The following TANC2 variants were observed in gnomAD, a reference collection of about 807,000 sequenced individuals.
TANC2 encodes the protein protein TANC2.
TANC2 carries 26 observed loss-of-function variants against 210.5 expected under a neutral mutation model. The observed-to-expected ratio is 0.12, with a 90% CI of 0.09 to 0.17. The LOEUF is 0.17. TANC2 is among the 10% of genes least tolerant of loss of function. The probability of loss-of-function intolerance (pLI) is 1.00; values close to 1 mark genes in which losing one functional copy is unlikely to be tolerated. For missense variants in TANC2, 2,129 were observed against 2,608.9 expected, an observed-to-expected ratio of 0.82 and a Z score of 4.01; for synonymous variants, 931 against 967.1, an observed-to-expected ratio of 0.96 and a Z score of 0.69.
chr17:63,063,374 C>T (rs1034003800), intron 2 of TANC2, among the ~76,000 whole-genome samples: 3 of 152,128 alleles, frequency 2.0e-5, no homozygotes, highest in Non-Finnish European at 4.4e-5. Flanking sequence ...GCATGATGGG[C>T]TGAAAGTTCC....
chr17:63,272,451 T>A (rs1419245999), intron 9 of TANC2, among the ~76,000 whole-genome samples: 1 of 152,176 alleles, frequency 6.6e-6, no homozygotes, highest in Non-Finnish European at 1.5e-5. Context: ...TCTTTTTGGT[T>A]CCATATGAAT....
intron 5 of TANC2, chr17:63,152,070 C>T (rs2039672715): frequency 6.6e-6 from 1 of 152,166 alleles, no homozygotes; most frequent in Non-Finnish European, 1.5e-5. Flanking sequence ...TACACTCTCT[C>T]TACAGTCAGT....
At position 63,421,085 on chromosome 17, in the gene TANC2, T is replaced by C. The variant is rs2049010984; in HGVS notation, c.5355T>C (p.Pro1785=). 1 of 1,613,968 alleles carries C rather than the reference T, an allele frequency of 6.2e-7. No individual in the cohort carries two copies. The highest frequency in any genetic ancestry group is 8.5e-7 in the Non-Finnish European group (1 of 1,179,886). ...CCAAAGAGGATCTTCCACAGCGACC[T>C]TCCTCAGCATACCGAGGTGGCGTGA... The change falls in exon 28 of 28, where the codon CCT becomes CCC. Residue 1785 remains proline (P), a synonymous_variant. Transcript: ENST00000689528. This position sits in a 1 kb window ranked among gnomAD's most constrained non-coding sequence, Gnocchi z 6.9.
chr17:63,090,670 G>A (rs1438659788), intron 3 of TANC2, among the ~76,000 whole-genome samples: 3 of 152,116 alleles, frequency 2.0e-5, no homozygotes, highest in Non-Finnish European at 4.4e-5. Context: ...ATAAACATAC[G>A]TGCGCATGTG....
At chr17:63,239,314 G>A (rs893022931) in intron 8 of TANC2, among the ~76,000 whole-genome samples, 2 of 152,140 alleles carry the variant, frequency 1.3e-5, no homozygotes, top group African/African-American at 4.8e-5. Flanking sequence ...AAGAATAGTT[G>A]AATGTTCTGA....
intron 1 of TANC2, among the ~76,000 whole-genome samples, chr17:62,980,396 A>G (rs1598181227): frequency 6.6e-6 from 1 of 152,326 alleles, no homozygotes; most frequent in East Asian, 1.9e-4. Flanking sequence ...CTAAAATTAG[A>G]AACTTTTTGA....
At chr17:63,287,789 C>T (rs993178479) in intron 9 of TANC2, among the ~76,000 whole-genome samples, 1 of 151,996 alleles carries the variant, frequency 6.6e-6, no homozygotes, top group Non-Finnish European at 1.5e-5. Flanking sequence ...ATTCTCCTGC[C>T]TCAGCCTCCT....
At chr17:63,331,142 T>A (rs2045825725) in intron 11 of TANC2, among the ~76,000 whole-genome samples, 1 of 152,236 alleles carries the variant, frequency 6.6e-6, no homozygotes, top group African/African-American at 2.4e-5. Context: ...CCAAATATTC[T>A]TAGAAAATAT....
At chr17:63,124,830 C>T (rs1022458801) in intron 4 of TANC2, among the ~76,000 whole-genome samples, 1 of 152,128 alleles carries the variant, frequency 6.6e-6, no homozygotes, top group African/African-American at 2.4e-5. Flanking sequence ...TTATGAAATG[C>T]ACATCTGAGG....
rs1297460441 is a variant in TANC2 at position 63,309,372 on chromosome 17, T to C, written c.1160-5016T>C. On this transcript the variant is annotated intron_variant, in intron 9 of 27. Coordinates refer to ENST00000689528, the Ensembl canonical transcript of TANC2. ...TTCAAAAGATGGTTTTGAATATGATTACATGCCAAAAAACCGTATTTTTTT... is the reference window on the plus strand; with the variant it reads ...TTCAAAAGATGGTTTTGAATATGATCACATGCCAAAAAACCGTATTTTTTT... Among the ~76,000 whole-genome samples, 4 of 152,196 alleles carry C rather than the reference T, an allele frequency of 2.6e-5. No homozygotes were observed. The East Asian group carries it at 5.8e-4, about 22-fold the overall frequency.
At chr17:63,047,970 G>A (rs2035443621) in intron 2 of TANC2, among the ~76,000 whole-genome samples, 2 of 152,196 alleles carry the variant, frequency 1.3e-5, no homozygotes, top group Non-Finnish European at 2.9e-5. Context: ...TTTTATGGTA[G>A]TAAACTGGGG....
intron 2 of TANC2, among the ~76,000 whole-genome samples, chr17:63,042,090 A>C (rs190262166): frequency 3.9e-5 from 6 of 152,264 alleles, no homozygotes; most frequent in African/African-American, 7.2e-5. Context: ...ATAGTTGCAA[A>C]TTATAGTACC....
At chr17:63,174,606 G>A (rs561949010) in intron 5 of TANC2, among the ~76,000 whole-genome samples, 9 of 152,140 alleles carry the variant, frequency 5.9e-5, no homozygotes, top group Non-Finnish European at 1.3e-4. Context: ...AACCTGCTTT[G>A]ATATGTCAGT....
chr17:63,288,697 C>G (rs1237717313), intron 9 of TANC2, among the ~76,000 whole-genome samples: 1 of 152,006 alleles, frequency 6.6e-6, no homozygotes, highest in Non-Finnish European at 1.5e-5. Context: ...TGTAATACCC[C>G]TCCCTGTTCC....
chr17:63,065,824 A>AT (rs2036175069), intron 2 of TANC2, among the ~76,000 whole-genome samples: 1 of 151,878 alleles, frequency 6.6e-6, no homozygotes, highest in Admixed American at 6.6e-5. Context: ...GTTTGCAAAT[A>AT]TTTTTTCCAT....
chr17:63,416,350 G>A (rs1303927340), intron 26 of TANC2, among the ~76,000 whole-genome samples: 1 of 152,132 alleles, frequency 6.6e-6, no homozygotes, highest in Non-Finnish European at 1.5e-5. Context: ...CCTCTCTCAG[G>A]TTTTGGAAAT....
chr17:63,409,438 G>A (rs186172144), intron 21 of TANC2, among the ~76,000 whole-genome samples: 32 of 152,170 alleles, frequency 2.1e-4, no homozygotes, highest in African/African-American at 7.5e-4. Flanking sequence ...CTCCCACCTC[G>A]GCCTCCAAAA....
intron 4 of TANC2, 123 bp downstream of exon 4, chr17:63,099,480 A>G: frequency 1.7e-6 from 1 of 578,932 alleles, no homozygotes; most frequent in East Asian, 3.3e-5. Flanking sequence ...CTAATGTCAC[A>G]GACTCTTGAC....
intron 1 of TANC2, among the ~76,000 whole-genome samples, chr17:62,991,602 T>C (rs1300882702): frequency 1.4e-5 from 2 of 146,546 alleles, no homozygotes; most frequent in Non-Finnish European, 3.0e-5. Flanking sequence ...ATCACGCCAC[T>C]GCACTCCAGC....
Sources: gnomAD v4.1 joint callset for allele counts (sites outside exome capture counted in the v4.1 genomes callset) on GRCh38, gnomAD v4.1.1 for gene constraint, Gnocchi (gnomAD v3.1) non-coding constraint, MANE v1.5 for transcripts, NCBI Gene and HGNC (gene_info 2026-07-23, HGNC 2026-07-21) for gene names.